RFT1: variants seen among roughly 807,000 people sequenced by gnomAD.
RFT1 encodes the protein RFT1 glycolipid translocator homolog, also known as man(5)GlcNAc(2)-PP-dolichol translocation protein RFT1.
Under a neutral mutation model 62.2 loss-of-function variants are expected in RFT1, and 43 were observed. The observed-to-expected ratio is 0.69, with a 90% CI of 0.54 to 0.89. The LOEUF is 0.89. Among genes scored for constraint, RFT1 ranks in the 40% least tolerant of loss-of-function variants. The probability of loss-of-function intolerance (pLI) is 0.00; values close to 1 mark genes in which losing one functional copy is unlikely to be tolerated. For missense variants in RFT1, 605 were observed against 649.9 expected (o/e 0.93, Z 0.75); for synonymous variants, 262 against 264.6 (o/e 0.99, Z 0.10).
chr3:53,084,429 C>G (rs562298037), downstream of RFT1, among the ~76,000 whole-genome samples: 110 of 152,336 alleles, frequency 7.2e-4, no homozygotes, highest in South Asian at 1.9e-3. Flanking sequence ...TCTCCCACCC[C>G]ACATGGCCAC....
At chr3:53,067,745 T>A in the RFT1 span, among the ~76,000 whole-genome samples, 6 of 152,198 alleles carry the variant, frequency 3.9e-5, no homozygotes, top group Non-Finnish European at 8.8e-5. Flanking sequence ...GCCCTGGGCC[T>A]GCATATTAGT....
intron 10 of RFT1, 80 bp from the exon 11 acceptor site, chr3:53,099,566 A>G: frequency 1.9e-6 from 2 of 1,026,610 alleles, no homozygotes; most frequent in East Asian, 4.9e-5. Flanking sequence ...GAGTACCCAG[A>G]GAACCAGAAC....
intron 10 of RFT1, 63 bp from the exon 11 acceptor site, chr3:53,099,549 T>C: frequency 1.6e-6 from 2 of 1,269,014 alleles, no homozygotes; most frequent in Non-Finnish European, 1.1e-6. Context: ...GTACCCTCAG[T>C]GCTGCTGAGT....
At chr3:53,111,989 C>A in intron 6 of RFT1, 81 bp from the exon 7 acceptor site, 1 of 1,092,844 alleles carries the variant, frequency 9.2e-7, no homozygotes. Flanking sequence ...GAGGCAAATG[C>A]AATCTGGTCT....
the RFT1 span, among the ~76,000 whole-genome samples, chr3:53,079,145 G>A: frequency 1.3e-5 from 2 of 152,198 alleles, no homozygotes; most frequent in Admixed American, 6.5e-5. Context: ...CACAGTTGAA[G>A]GGAATGTCCC....
intron 9 of RFT1, among the ~76,000 whole-genome samples, chr3:53,104,629 G>C (rs530911028): frequency 5.6e-4 from 85 of 152,268 alleles, no homozygotes; most frequent in African/African-American, 2.0e-3. Context: ...TACTGTGAAG[G>C]TACTCTTAGG....
intron 1 of RFT1, among the ~76,000 whole-genome samples, chr3:53,127,630 G>A (rs1331018456): frequency 6.6e-6 from 1 of 150,948 alleles, no homozygotes; most frequent in African/African-American, 2.4e-5. Context: ...TGAAGCCTGG[G>A]CGACAGAGCT....
chr3:53,096,867 C>T (rs1050242819), intron 11 of RFT1, among the ~76,000 whole-genome samples: 11 of 152,022 alleles, frequency 7.2e-5, no homozygotes, highest in African/African-American at 2.4e-4. Context: ...GCTTCAGCCT[C>T]GCGGGTAGCT....
chr3:53,096,424 A>G lies in RFT1; in HGVS notation c.1208+2957T>C, dbSNP rs564962733. ...AGGCCGGGCACGTTGGCTCACTCCTATAATCCCAGCACTTTGGGAGGCTGA... is the reference window on the plus strand; with the variant it reads ...AGGCCGGGCACGTTGGCTCACTCCTGTAATCCCAGCACTTTGGGAGGCTGA... On this transcript the variant is annotated intron_variant, in intron 11 of 12. Transcript: ENST00000296292. Among the ~76,000 whole-genome samples, 69 of 152,174 alleles carry G rather than the reference A, an allele frequency of 4.5e-4. 2 individuals carry two copies. In the South Asian group the frequency reaches 0.014, roughly 31 times the overall value.
At chr3:53,069,849 TA>T in the RFT1 span, among the ~76,000 whole-genome samples, 1 of 152,206 alleles carries the variant, frequency 6.6e-6, no homozygotes, top group Non-Finnish European at 1.5e-5. Flanking sequence ...GGGGATGAGG[TA>T]AACCCTGTGG....
At chr3:53,097,277 G>C (rs1372957902) in intron 11 of RFT1, among the ~76,000 whole-genome samples, 2 of 152,106 alleles carry the variant, frequency 1.3e-5, no homozygotes, top group Non-Finnish European at 2.9e-5. Context: ...GATGAGCCCA[G>C]GTATTCCACG....
chr3:53,088,149 C>T (rs914295605), downstream of RFT1, among the ~76,000 whole-genome samples: 19 of 152,136 alleles, frequency 1.2e-4, no homozygotes, highest in Admixed American at 1.0e-3. Context: ...AAGGAATGGC[C>T]GTTTAATAAA....
At chr3:53,093,154 G>C (rs1575479138) in intron 11 of RFT1, among the ~76,000 whole-genome samples, 3 of 152,304 alleles carry the variant, frequency 2.0e-5, no homozygotes, top group African/African-American at 7.2e-5. Flanking sequence ...CACTGCCCTT[G>C]GGAAATGCAG....
chr3:53,073,607 C>T, the RFT1 span, among the ~76,000 whole-genome samples: 1 of 152,184 alleles, frequency 6.6e-6, no homozygotes, highest in Non-Finnish European at 1.5e-5. Context: ...CCCATCATTC[C>T]CTTCGTTGTT....
At chr3:53,072,395 A>G in the RFT1 span, among the ~76,000 whole-genome samples, 1 of 152,112 alleles carries the variant, frequency 6.6e-6, no homozygotes, top group Admixed American at 6.5e-5. Context: ...CTGACCCCCC[A>G]GGGCTGCTGG....
At chr3:53,122,231 A>G (rs1483514878) in intron 4 of RFT1, 143 bp downstream of exon 4, 3 of 822,006 alleles carry the variant, frequency 3.6e-6, no homozygotes, top group Non-Finnish European at 4.1e-6. Flanking sequence ...TAAGAACTTA[A>G]CTGACCATGT....
chr3:53,106,298 C>T (rs1481055195), intron 8 of RFT1, among the ~76,000 whole-genome samples: 1 of 152,078 alleles, frequency 6.6e-6, no homozygotes, highest in African/African-American at 2.4e-5. Context: ...CATATATACC[C>T]TTTACCCAGT....
intron 3 of RFT1, among the ~76,000 whole-genome samples, chr3:53,122,970 T>C (rs1159996479): frequency 1.3e-5 from 2 of 152,246 alleles, no homozygotes; most frequent in Admixed American, 6.5e-5. Context: ...TGTATACAGC[T>C]GTTCCTTGCA....
intron 5 of RFT1, among the ~76,000 whole-genome samples, 200 bp from the exon 6 acceptor site, chr3:53,120,221 T>C (rs757433189): frequency 1.8e-4 from 27 of 152,222 alleles, no homozygotes; most frequent in Non-Finnish European, 3.5e-4. Context: ...TTCCCAACAC[T>C]TCACTTAACT....
Sources: gnomAD v4.1 joint callset for allele counts (sites outside exome capture counted in the v4.1 genomes callset) on GRCh38, gnomAD v4.1.1 for gene constraint, MANE v1.5 for transcripts, NCBI Gene and HGNC (gene_info 2026-07-23, HGNC 2026-07-21) for gene names.